ZNF74: variants seen among roughly 807,000 people sequenced by gnomAD.
The protein encoded by ZNF74 is zinc finger protein 74, also known as zinc finger protein 520.
ZNF74 carries 12 observed loss-of-function variants against 17.7 expected under a neutral mutation model. That is an observed-to-expected ratio of 0.68 (90% CI 0.43 to 1.10). ZNF74 has a LOEUF of 1.10. Among genes scored for constraint, ZNF74 ranks in the 50% least tolerant of loss-of-function variants. The pLI is 0.00. For missense variants in ZNF74, 811 were observed against 881.0 expected (o/e 0.92, Z 1.01); for synonymous variants, 358 against 362.1 (o/e 0.99, Z 0.13).
chr22:20,406,572 G>C lies in ZNF74; in HGVS notation c.1539G>C (p.Ser513=). ...GTTGGAAGGCCTTCAGCTGCCACTC[G>C]TCCCTCATCGTGCACCAGCGCATCC... The part of the protein sequence containing the change: ...SQCWKAFSCH[S]SLIVHQRIHT... The change falls in exon 5 of 5, where the codon TCG becomes TCC. Residue 513 remains serine (S), a synonymous_variant. Transcript: ENST00000400451. 1.9e-6 allele frequency: 3 copies of C among 1,613,740 alleles called. No homozygotes were observed. Among genetic ancestry groups the C allele is most frequent in the African/African-American group, 2.7e-5 (2 of 74,866 alleles).
chr22:20,405,586 C>G lies in ZNF74; in HGVS notation c.553C>G (p.Leu185Val). 6.2e-7 allele frequency: 1 copy of G among 1,612,758 alleles called. No homozygotes were observed. Among genetic ancestry groups the G allele is most frequent in the Non-Finnish European group, 8.5e-7 (1 of 1,179,342 alleles). The change falls in exon 5 of 5, where the codon CTC (leucine) becomes GTC (valine). Residue 185 changes from leucine to valine, a missense_variant. By Grantham distance (32) the Leu-to-Val change is conservative. Coordinates refer to ENST00000400451, the MANE Select transcript of ZNF74 (RefSeq NM_003426.4). ...AGAGGAATTCCCCCTCAGGTGTCCC[C>G]TCTTCGCCCAGCAACGCGTTCCCGA... is the stretch of plus-strand genomic sequence containing the variant. ...PVEEFPLRCP[L>V]FAQQRVPEGG...
chr22:20,405,519 G>T lies in ZNF74; in HGVS notation c.486G>T (p.Ala162=), dbSNP rs367990523. Residue 162 remains alanine (A), a synonymous_variant, in exon 5 of 5, where the codon GCG becomes GCT. Coordinates refer to ENST00000400451, the MANE Select transcript of ZNF74 (RefSeq NM_003426.4). The part of the protein sequence containing the change: ...QAGALQRSQA[A]PWAPAPAMVW... ...GTGCTCTGCAGAGGAGTCAGGCTGC[G>T]CCCTGGGCGCCCGCACCTGCCATGG... 3 of 1,601,954 alleles carry T rather than the reference G, an allele frequency of 1.9e-6. No homozygotes were observed. The highest frequency in any genetic ancestry group is 1.7e-6 in the Non-Finnish European group (2 of 1,174,762).
chr22:20,407,185 T>A lies in ZNF74; in HGVS notation c.*217T>A. 1 of 640,440 alleles carries A rather than the reference T, an allele frequency of 1.6e-6. No homozygotes were observed. The highest frequency in any genetic ancestry group is 2.5e-6 in the Non-Finnish European group (1 of 393,046). 39.7% of individuals were successfully genotyped at this position (640,440 alleles called of 1,614,324 possible). A position where few individuals can be genotyped will look rare whatever the true frequency, so the allele number is the denominator to read the frequency against. ...TCCAGGAGGAGTGTTGAGAGTCATT[T>A]GAGGTAGTCTTGCCACCTGTTTTCC... On this transcript the variant is annotated 3_prime_UTR_variant, in exon 5 of 5. Transcript: ENST00000400451.
chr22:20,403,277 T>A (rs2052378916), intron 4 of ZNF74, among the ~76,000 whole-genome samples: 1 of 150,732 alleles, frequency 6.6e-6, no homozygotes, highest in African/African-American at 2.4e-5. Flanking sequence ...TCACTGACCA[T>A]CTCGTGGGCC....
At position 20,406,020 on chromosome 22, in the gene ZNF74, G is replaced by A. The variant is rs200227826; in HGVS notation, c.987G>A (p.Glu329=). 8.2e-5 allele frequency: 132 copies of A among 1,613,488 alleles called. No homozygotes were observed. Among genetic ancestry groups the A allele is most frequent in the Non-Finnish European group, 8.6e-5 (102 of 1,179,854 alleles). ...LNVHQRIHTG[E]RPYKCSACEK... Reference sequence around the variant, plus strand: ...TGCACCAGCGCATCCACACGGGCGAGCGGCCCTACAAGTGCAGCGCCTGCG... The same window carrying A: ...TGCACCAGCGCATCCACACGGGCGAACGGCCCTACAAGTGCAGCGCCTGCG... Residue 329 remains glutamate, a synonymous_variant, in exon 5 of 5, where the codon GAG becomes GAA. Coordinates refer to ENST00000400451, the MANE Select transcript of ZNF74 (RefSeq NM_003426.4).
At position 20,408,055 on chromosome 22, in the gene ZNF74, G is replaced by A. The variant is rs911260074; in HGVS notation, c.*1087G>A. On this transcript the variant is annotated 3_prime_UTR_variant, in exon 5 of 5. Coordinates refer to ENST00000400451, the MANE Select transcript of ZNF74 (RefSeq NM_003426.4). ...CTGGGCTGGTGAGGCTGCCCTGCAG[G>A]GCTTCTCACTATGTAGCACCAGTCA... The A allele has an allele frequency of 6.6e-6, 1 of 152,170 alleles. No individual in the cohort carries two copies. The highest frequency in any genetic ancestry group is 6.5e-5 in the Admixed American group (1 of 15,286). 9.4% of individuals were successfully genotyped at this position (152,170 alleles called of 1,614,324 possible). A position where few individuals can be genotyped will look rare whatever the true frequency, so the allele number is the denominator to read the frequency against.
In ZNF74 at chr22:20,394,554, G is replaced by T. The variant is rs937760327; in HGVS notation, c.-75G>T. 2.0e-6 allele frequency: 3 copies of T among 1,534,382 alleles called. No individual in the cohort carries two copies. Among genetic ancestry groups the T allele is most frequent in the Non-Finnish European group, 2.7e-6 (3 of 1,108,936 alleles). ...CCCCTCAGCCCCAGGAGCAGTACTC[G>T]CTCTTCAGGGCCTGCCCTGGATCCT... On this transcript the variant is annotated 5_prime_UTR_variant, in exon 1 of 5. Transcript: ENST00000400451.
rs773505138 is a variant in ZNF74, at chr22:20,394,372, G to T, written c.-257G>T. On this transcript the variant is annotated 5_prime_UTR_variant, in exon 1 of 5. Transcript: ENST00000400451. ...GAGCGTGTGGCGGGGGTGTGCCGGG[G>T]CGTGAGTGCGCCGAGCATGGGGCTG... The T allele has an allele frequency of 4.0e-4, 275 of 679,136 alleles. No individual in the cohort carries two copies. The highest frequency in any genetic ancestry group is 6.5e-4 in the Non-Finnish European group (241 of 369,998). 42.1% of individuals were successfully genotyped at this position (679,136 alleles called of 1,614,324 possible).
rs117467773 is a variant in ZNF74, at chr22:20,406,902, G to T, written c.1869G>T (p.Lys623Asn). Residue 623 changes from lysine (K) to asparagine (N), a missense_variant, in exon 5 of 5, where the codon AAG (lysine) becomes AAT (asparagine). Lys to Asn is a moderately conservative substitution (Grantham distance 94, BLOSUM62 0). Around this residue, in one of 3 missense-constraint regions of ZNF74, gnomAD observed 115 missense variants for 119.5 expected, o/e 0.96. Coordinates refer to ENST00000400451, the MANE Select transcript of ZNF74 (RefSeq NM_003426.4). ...VDPIDALDVA[K>N]LLCVVPPRAG... ...CCATCGACGCGCTGGATGTGGCAAA[G>T]CTCTTGTGCGTGGTTCCCCCCAGAG... 0.013 allele frequency: 20,591 copies of T among 1,613,950 alleles called. 2,362 individuals carry two copies. The Admixed American group carries it at 0.24, about 19-fold the overall frequency.
intron 2 of ZNF74, among the ~76,000 whole-genome samples, chr22:20,398,390 G>T (rs1360427342): frequency 6.6e-6 from 1 of 151,256 alleles, no homozygotes; most frequent in Non-Finnish European, 1.5e-5. Context: ...GAGGTGAGGG[G>T]TATACATTTC....
chr22:20,405,466 G>C lies in ZNF74; in HGVS notation c.433G>C (p.Gly145Arg), dbSNP rs772198434. Reference sequence around the variant, plus strand: ...GCCCATCATGGAGCGGCCCCTCGGCGGGGCGCAGGCGTGGGGGCGCCAGGC... The same window carrying C: ...GCCCATCATGGAGCGGCCCCTCGGCCGGGCGCAGGCGTGGGGGCGCCAGGC... ...QEPIMERPLG[G>R]AQAWGRQAGA... The change falls in exon 5 of 5, where the codon GGG becomes CGG. Residue 145 changes from glycine to arginine, a missense_variant. Physicochemically the swap from Gly to Arg is moderately radical, Grantham distance 125 (BLOSUM62 -2). Transcript: ENST00000400451. 5 of 1,611,826 alleles carry C rather than the reference G, an allele frequency of 3.1e-6. No individual in the cohort carries two copies. In the African/African-American group the frequency reaches 4.0e-5, roughly 13 times the overall value.
chr22:20,395,888 T>A (rs1030536958), intron 2 of ZNF74, among the ~76,000 whole-genome samples: 10 of 152,188 alleles, frequency 6.6e-5, no homozygotes, highest in African/African-American at 2.4e-4. Flanking sequence ...AGGGGACACA[T>A]CCCTGTGTGC....
At position 20,401,422 on chromosome 22, in the gene ZNF74, C is replaced by G. The variant is rs1437036673; in HGVS notation, c.343+50C>G. 8.0e-7 allele frequency: 1 copy of G among 1,248,562 alleles called. No individual in the cohort carries two copies. Among genetic ancestry groups the G allele is most frequent in the African/African-American group, 1.5e-5 (1 of 67,268 alleles). 77.3% of individuals were successfully genotyped at this position (1,248,562 alleles called of 1,614,324 possible). ...GTGCCAGCCCCAGCACCCCTGGTGG[C>G]ACCTCCTCCTATGGCCCCTATTTTC... On this transcript the variant is annotated intron_variant, in intron 4 of 4. Coordinates refer to ENST00000400451, the MANE Select transcript of ZNF74 (RefSeq NM_003426.4). The surrounding 1 kb of genome is among the most constrained non-coding windows in gnomAD (Gnocchi z 4.2).
chr22:20,406,881 C>T lies in ZNF74; in HGVS notation c.1848C>T (p.Ile616=). The T allele has an allele frequency of 2.5e-6, 4 of 1,614,004 alleles. No homozygotes were observed. Among genetic ancestry groups the T allele is most frequent in the Non-Finnish European group, 3.4e-6 (4 of 1,180,024 alleles). ...CTGGACTGAGGGACGTGGATCCCATCGACGCGCTGGATGTGGCAAAGCTCT... is the reference window on the plus strand; with the variant it reads ...CTGGACTGAGGGACGTGGATCCCATTGACGCGCTGGATGTGGCAAAGCTCT... The part of the protein sequence containing the change: ...GDAGLRDVDP[I]DALDVAKLLC... Residue 616 remains isoleucine, a synonymous_variant, in exon 5 of 5, where the codon ATC becomes ATT. Coordinates refer to ENST00000400451, the MANE Select transcript of ZNF74 (RefSeq NM_003426.4).
Position 20,406,785 on chromosome 22 carries a change from G to A in ZNF74, c.1752G>A (p.Leu584=). The A allele has an allele frequency of 6.2e-7, 1 of 1,614,132 alleles. No individual in the cohort carries two copies. Among genetic ancestry groups the A allele is most frequent in the South Asian group, 1.1e-5 (1 of 91,084 alleles). Residue 584 remains leucine, a synonymous_variant, in exon 5 of 5, where the codon TTG becomes TTA. Transcript: ENST00000400451. The stretch of plus-strand genomic sequence containing the variant: ...GGCTGCACAGCGAGGGGAAGCCCTT[G>A]GCCATCCAGTTCAACAAACACCTGC... ...HQRLHSEGKP[L]AIQFNKHLLS...
intron 2 of ZNF74, chr22:20,400,018 A>G (rs2146093813): frequency 6.3e-6 from 1 of 157,648 alleles, no homozygotes; most frequent in African/African-American, 2.4e-5. Context: ...CAAGGATCAA[A>G]GCAAGTCTGG....
In ZNF74 at chr22:20,401,415, CT is replaced by C; in HGVS notation, c.343+44del. The C allele has an allele frequency of 7.8e-7, 1 of 1,280,236 alleles. No individual in the cohort carries two copies. The highest frequency in any genetic ancestry group is 1.3e-5 in the South Asian group (1 of 78,510). The allele number at this position is 1,280,236 out of a possible 1,614,324, so 79.3% of individuals were successfully genotyped here. Reference sequence around the variant, plus strand: ...TGGAAGGGTGCCAGCCCCAGCACCCCTGGTGGCACCTCCTCCTATGGCCCCT... The same window carrying C: ...TGGAAGGGTGCCAGCCCCAGCACCCCGGTGGCACCTCCTCCTATGGCCCCT... On this transcript the variant is annotated intron_variant, in intron 4 of 4. Coordinates refer to ENST00000400451, the MANE Select transcript of ZNF74 (RefSeq NM_003426.4). The surrounding 1 kb of genome is among the most constrained non-coding windows in gnomAD (Gnocchi z 4.2).
chr22:20,402,645 T>C (rs1256086840), intron 4 of ZNF74, among the ~76,000 whole-genome samples: 1 of 151,890 alleles, frequency 6.6e-6, no homozygotes, highest in East Asian at 1.9e-4. Flanking sequence ...CTACTAAAAT[T>C]ACAAAATTAG....
At chr22:20,405,006 A>C (rs1270785517) in intron 4 of ZNF74, among the ~76,000 whole-genome samples, 1 of 152,116 alleles carries the variant, frequency 6.6e-6, no homozygotes, top group Non-Finnish European at 1.5e-5. Context: ...CATGGTATTG[A>C]TACAGAGCAG....
Sources: allele counts gnomAD v4.1 joint callset (sites outside exome capture counted in the v4.1 genomes callset), GRCh38; gene constraint gnomAD v4.1.1; regional missense constraint gnomAD v4.1.1; non-coding constraint Gnocchi (gnomAD v3.1); transcripts MANE v1.5; gene names NCBI Gene and HGNC (gene_info 2026-07-23, HGNC 2026-07-21).